The following IL1RAPL2 variants were observed in gnomAD, a reference collection of about 807,000 sequenced individuals.
IL1RAPL2 encodes the protein X-linked interleukin-1 receptor accessory protein-like 2.
A neutral mutation model predicts 44.1 loss-of-function variants in IL1RAPL2; 3 were observed. That is an observed-to-expected ratio of 0.07 (90% CI 0.03 to 0.18). IL1RAPL2 has a LOEUF of 0.18. IL1RAPL2 is among the 10% of genes least tolerant of loss of function. IL1RAPL2 has a pLI of 1.00. For missense variants in IL1RAPL2, 391 were observed against 496.4 expected, an observed-to-expected ratio of 0.79 and a Z score of 2.02; for synonymous variants, 181 against 178.8, an observed-to-expected ratio of 1.01 and a Z score of -0.10.
At chrX:104,809,223 C>T (rs1932950499) in intron 2 of IL1RAPL2, among the ~76,000 whole-genome samples, 1 of 111,775 alleles carries the variant, frequency 8.9e-6, no homozygotes, top group African/African-American at 3.3e-5. Context: ...CAACCTTAGC[C>T]ACATGGCTTA....
At chrX:105,285,731 C>CT (rs959035975) in intron 5 of IL1RAPL2, among the ~76,000 whole-genome samples, 2 of 111,773 alleles carry the variant, frequency 1.8e-5, no homozygotes, top group African/African-American at 6.5e-5. Flanking sequence ...GCCTAGGAGG[C>CT]TTTTTTATGC....
At chrX:105,430,362 C>T (rs1011177476) in intron 5 of IL1RAPL2, among the ~76,000 whole-genome samples, 8 of 111,427 alleles carry the variant, frequency 7.2e-5, no homozygotes, top group Non-Finnish European at 9.4e-5. Flanking sequence ...TACTCATTAC[C>T]ATCAGACTAG....
chrX:105,339,821 A>G (rs1234144004), intron 5 of IL1RAPL2, among the ~76,000 whole-genome samples: 1 of 111,793 alleles, frequency 8.9e-6, no homozygotes, highest in African/African-American at 3.3e-5. Context: ...AGATTATGCA[A>G]CATATAATCA....
intron 2 of IL1RAPL2, among the ~76,000 whole-genome samples, chrX:104,866,386 A>G (rs1432050498): frequency 2.7e-5 from 3 of 112,541 alleles, no homozygotes; most frequent in African/African-American, 9.7e-5. Flanking sequence ...TGCTAGATCA[A>G]GAGTAAAGTA....
intron 6 of IL1RAPL2, among the ~76,000 whole-genome samples, chrX:105,568,050 T>C (rs2036987062): frequency 9.0e-6 from 1 of 111,033 alleles, no homozygotes; most frequent in South Asian, 3.8e-4. Context: ...GAGAGATAAT[T>C]GAACTGTCAA....
chrX:104,932,656 T>C (rs985548857), intron 2 of IL1RAPL2, among the ~76,000 whole-genome samples: 5 of 111,677 alleles, frequency 4.5e-5, no homozygotes, highest in African/African-American at 1.6e-4. Flanking sequence ...CAGGAGAAAA[T>C]GAATTTTGGG....
chrX:105,317,970 T>C (rs2034858691), intron 5 of IL1RAPL2, among the ~76,000 whole-genome samples: 1 of 107,720 alleles, frequency 9.3e-6, no homozygotes, highest in African/African-American at 3.3e-5. Flanking sequence ...TCTTTCTTTC[T>C]TCTTCTTTTT....
intron 6 of IL1RAPL2, among the ~76,000 whole-genome samples, chrX:105,625,032 A>T (rs1258942826): frequency 1.8e-5 from 2 of 112,130 alleles, no homozygotes; most frequent in Non-Finnish European, 3.8e-5. Flanking sequence ...CTTCACATCC[A>T]AATTTATTTC....
intron 2 of IL1RAPL2, among the ~76,000 whole-genome samples, chrX:105,032,564 A>G (rs1328500091): frequency 8.9e-6 from 1 of 111,771 alleles, no homozygotes; most frequent in Non-Finnish European, 1.9e-5. Context: ...CCTGAGTTCT[A>G]GTTTAATTGC....
At chrX:104,956,495 T>TGTGTGTGTGTGTGTGTGTGTGTGTGTG (rs1556020850) in intron 2 of IL1RAPL2, among the ~76,000 whole-genome samples, 1 of 108,553 alleles carries the variant, frequency 9.2e-6, no homozygotes, top group African/African-American at 3.4e-5. Context: ...TGTGTGTGTG[T>TGTGTGTGTGTGTGTGTGTGTGTGTGTG]TATGCCGGGC....
chrX:105,625,604 T>C (rs1338914836), intron 6 of IL1RAPL2, among the ~76,000 whole-genome samples: 2 of 111,911 alleles, frequency 1.8e-5, no homozygotes, highest in African/African-American at 6.5e-5. Context: ...CTCAGAACAA[T>C]CAATCAAGTC....
Position 105,311,802 on chromosome X carries a change from G to A in IL1RAPL2, c.697+44261G>A, listed in dbSNP as rs749505564. Among the ~76,000 whole-genome samples, 20 of 111,272 alleles carry A rather than the reference G, an allele frequency of 1.8e-4. No individual in the cohort carries two copies. In the South Asian group the frequency reaches 7.5e-3, roughly 42 times the overall value. Reference sequence around the variant, plus strand: ...GTAAGACCAGGAGGCAGCTCCAAGTGAGTGTAGAGGCATCATTAAAAAATG... The same window carrying A: ...GTAAGACCAGGAGGCAGCTCCAAGTAAGTGTAGAGGCATCATTAAAAAATG... On this transcript the variant is annotated intron_variant, in intron 5 of 10. Coordinates refer to ENST00000372582, the MANE Select transcript of IL1RAPL2 (RefSeq NM_017416.2).
At chrX:104,875,011 C>G (rs1035708093) in intron 2 of IL1RAPL2, among the ~76,000 whole-genome samples, 1 of 111,446 alleles carries the variant, frequency 9.0e-6, no homozygotes. Context: ...TAATCTCACT[C>G]AGTGTTACAT....
At chrX:104,631,861 C>A (rs887327398) in intron 1 of IL1RAPL2, among the ~76,000 whole-genome samples, 2 of 109,828 alleles carry the variant, frequency 1.8e-5, no homozygotes, top group Non-Finnish European at 3.8e-5. Flanking sequence ...TCCCATTTGT[C>A]AATTTTGGCT....
At chrX:104,590,379 A>G (rs1928641524) in intron 1 of IL1RAPL2, among the ~76,000 whole-genome samples, 1 of 111,682 alleles carries the variant, frequency 9.0e-6, no homozygotes, top group Non-Finnish European at 1.9e-5. Context: ...CACTTATCAG[A>G]CTAGTTTTGA....
intron 2 of IL1RAPL2, among the ~76,000 whole-genome samples, chrX:104,673,790 G>T (rs1475582867): frequency 9.3e-6 from 1 of 107,757 alleles, no homozygotes; most frequent in Non-Finnish European, 1.9e-5. Context: ...GTGGTTTGTA[G>T]TTCTCCTTGA....
chrX:105,153,193 G>A (rs1236967817), intron 2 of IL1RAPL2, among the ~76,000 whole-genome samples: 1 of 112,065 alleles, frequency 8.9e-6, no homozygotes, highest in Non-Finnish European at 1.9e-5. Context: ...AAATGAGCAG[G>A]TCTCTGTAAA....
At chrX:105,246,096 T>C (rs2034217037) in intron 4 of IL1RAPL2, among the ~76,000 whole-genome samples, 1 of 111,982 alleles carries the variant, frequency 8.9e-6, no homozygotes, top group African/African-American at 3.2e-5. Context: ...TGAAGGGAGA[T>C]AGATGAGTAA....
chrX:105,215,502 C>A (rs935037732), intron 3 of IL1RAPL2, among the ~76,000 whole-genome samples: 27 of 111,486 alleles, frequency 2.4e-4, no homozygotes, highest in African/African-American at 8.8e-4. Context: ...CAGGACCAGA[C>A]GGATTCACAG....
Sources: allele counts gnomAD v4.1 joint callset (sites outside exome capture counted in the v4.1 genomes callset), GRCh38; gene constraint gnomAD v4.1.1; transcripts MANE v1.5; gene names NCBI Gene and HGNC (gene_info 2026-07-23, HGNC 2026-07-21).